The following ZBTB7C variants were observed in gnomAD, a reference collection of about 807,000 sequenced individuals.
ZBTB7C encodes zinc finger and BTB domain-containing protein 7C.
ZBTB7C carries 8 observed loss-of-function variants against 25.7 expected under a neutral mutation model. That is an observed-to-expected ratio of 0.31 (90% CI 0.18 to 0.56). ZBTB7C has a LOEUF of 0.56. Among genes scored for constraint, ZBTB7C ranks in the 20% least tolerant of loss-of-function variants. The pLI is 0.91. For missense variants in ZBTB7C, 824 were observed against 855.2 expected, an observed-to-expected ratio of 0.96 and a Z score of 0.46; for synonymous variants, 394 against 369.0, an observed-to-expected ratio of 1.07 and a Z score of -0.78.
At chr18:48,378,527 T>C (rs2047570956) in intron 1 of ZBTB7C, among the ~76,000 whole-genome samples, 1 of 152,114 alleles carries the variant, frequency 6.6e-6, no homozygotes, top group Non-Finnish European at 1.5e-5. Flanking sequence ...AACCAGATGG[T>C]TCTCCAATAA....
At chr18:48,238,562 GAAATA>G (rs1223243502) in intron 2 of ZBTB7C, among the ~76,000 whole-genome samples, 1 of 152,188 alleles carries the variant, frequency 6.6e-6, no homozygotes, top group Non-Finnish European at 1.5e-5. Context: ...ACCTAGAGCT[GAAATA>G]AATTTAGAGA....
rs368789643 is a variant in ZBTB7C, at chr18:48,207,125, G to A, written c.-78-21130C>T. Among the ~76,000 whole-genome samples the A allele has an allele frequency of 1.9e-4, 29 of 152,338 alleles. No individual in the cohort carries two copies. In the South Asian group the frequency reaches 3.9e-3, roughly 21 times the overall value. On this transcript the variant is annotated intron_variant, in intron 2 of 4. Transcript: ENST00000590800. ...CACAATATAAAAAGACCACAGGGACGTAGCACTGAAGCAACCAGAATGGCT... is the reference window on the plus strand; with the variant it reads ...CACAATATAAAAAGACCACAGGGACATAGCACTGAAGCAACCAGAATGGCT...
intron 3 of ZBTB7C, among the ~76,000 whole-genome samples, chr18:48,078,477 C>T (rs927027118): frequency 2.6e-5 from 4 of 152,192 alleles, no homozygotes; most frequent in Admixed American, 2.6e-4. Flanking sequence ...CACACTCCAC[C>T]GGCAGCATCA....
intron 3 of ZBTB7C, among the ~76,000 whole-genome samples, chr18:48,111,771 T>C (rs1254208345): frequency 1.3e-5 from 2 of 152,162 alleles, no homozygotes; most frequent in African/African-American, 4.8e-5. Context: ...AACATCTATA[T>C]ATCTTATATG....
At chr18:48,385,137 C>T (rs2047719544) in intron 1 of ZBTB7C, among the ~76,000 whole-genome samples, 1 of 152,212 alleles carries the variant, frequency 6.6e-6, no homozygotes, top group South Asian at 2.1e-4. Flanking sequence ...TACCCAAATG[C>T]ACCCACATCC....
intron 3 of ZBTB7C, among the ~76,000 whole-genome samples, chr18:48,047,033 C>T (rs576030871): frequency 6.0e-4 from 91 of 152,266 alleles, no homozygotes; most frequent in African/African-American, 2.1e-3. Flanking sequence ...CATGGTAGCT[C>T]AAGGCTGTTT....
At chr18:48,406,379 C>T (rs2048283168) in intron 1 of ZBTB7C, among the ~76,000 whole-genome samples, 1 of 152,114 alleles carries the variant, frequency 6.6e-6, no homozygotes, top group African/African-American at 2.4e-5. Flanking sequence ...CCCTGGTCAG[C>T]CCAGGAAGCC....
At chr18:48,357,153 C>T (rs1026490783) in intron 1 of ZBTB7C, among the ~76,000 whole-genome samples, 2 of 152,192 alleles carry the variant, frequency 1.3e-5, no homozygotes, top group East Asian at 1.9e-4. Flanking sequence ...TGAAACACAC[C>T]GGAAGGTCTG....
At chr18:48,226,319 C>A (rs1201724304) in intron 2 of ZBTB7C, among the ~76,000 whole-genome samples, 2 of 152,206 alleles carry the variant, frequency 1.3e-5, no homozygotes, top group Non-Finnish European at 2.9e-5. Context: ...TGCTGGCATA[C>A]AATGACAACC....
chr18:48,136,192 G>A (rs1423360162), intron 3 of ZBTB7C, among the ~76,000 whole-genome samples: 2 of 152,174 alleles, frequency 1.3e-5, no homozygotes. Context: ...GCGCTCCAGT[G>A]GGTGACGCCG....
At chr18:48,243,459 C>T (rs1053449409) in intron 2 of ZBTB7C, among the ~76,000 whole-genome samples, 5 of 151,938 alleles carry the variant, frequency 3.3e-5, no homozygotes, top group Non-Finnish European at 5.9e-5. Context: ...CAAGAATATA[C>T]CTAACCAAGG....
chr18:48,172,244 TAGTGGGAAGATG>T (rs1485904342), intron 3 of ZBTB7C, among the ~76,000 whole-genome samples: 1 of 152,144 alleles, frequency 6.6e-6, no homozygotes, highest in Non-Finnish European at 1.5e-5. Context: ...GATTTTAAGC[TAGTGGGAAGATG>T]GGTGGGAAGA....
intron 1 of ZBTB7C, among the ~76,000 whole-genome samples, chr18:48,376,478 T>C (rs1325601138): frequency 2.0e-5 from 3 of 152,222 alleles, no homozygotes; most frequent in African/African-American, 7.2e-5. Flanking sequence ...AGGGAAGGTC[T>C]CCGGTTGCCT....
rs995510980 is a variant in ZBTB7C at position 48,029,656 on chromosome 18, G to T, written c.1464C>A (p.Ala488=). ...RRGRKPAAWR[A]ASLLFGPGGP... The stretch of plus-strand genomic sequence containing the variant: ...CGCCGGGCCCGAAGAGCAGGCTGGC[G>T]GCCCTCCACGCAGCAGGCTTGCGGC... Residue 488 remains alanine, a synonymous_variant, in exon 5 of 5, where the codon GCC becomes GCA. Transcript: ENST00000590800. 1.9e-6 allele frequency: 3 copies of T among 1,552,980 alleles called. No homozygotes were observed. Among genetic ancestry groups the T allele is most frequent in the South Asian group, 1.2e-5 (1 of 86,178 alleles).
intron 2 of ZBTB7C, among the ~76,000 whole-genome samples, chr18:48,323,935 G>C (rs554437775): frequency 2.0e-5 from 3 of 152,236 alleles, no homozygotes; most frequent in Admixed American, 1.3e-4. Flanking sequence ...GGGCCTTTGG[G>C]AGGTGATAAG....
chr18:48,057,856 G>A (rs2036976836), intron 3 of ZBTB7C, among the ~76,000 whole-genome samples: 1 of 152,182 alleles, frequency 6.6e-6, no homozygotes, highest in Non-Finnish European at 1.5e-5. Flanking sequence ...ATGAAAACAG[G>A]CTCTGGCTGC....
At chr18:48,246,798 C>T (rs1303922915) in intron 2 of ZBTB7C, among the ~76,000 whole-genome samples, 1 of 152,016 alleles carries the variant, frequency 6.6e-6, no homozygotes, top group Non-Finnish European at 1.5e-5. Context: ...ACCCCCCATC[C>T]CATGCCCCCA....
At chr18:48,148,632 T>A (rs1009148126) in intron 3 of ZBTB7C, 3 of 152,044 alleles carry the variant, frequency 2.0e-5, no homozygotes, top group African/African-American at 7.2e-5. Context: ...TTTTGGGAAC[T>A]TCAGGAAGAG....
At chr18:48,257,666 CA>C (rs1232657618) in intron 2 of ZBTB7C, among the ~76,000 whole-genome samples, 1 of 151,576 alleles carries the variant, frequency 6.6e-6, no homozygotes, top group African/African-American at 2.4e-5. Flanking sequence ...GAAATTTCAG[CA>C]AATAGAATTT....
Sources: allele counts gnomAD v4.1 joint callset (sites outside exome capture counted in the v4.1 genomes callset), GRCh38; gene constraint gnomAD v4.1.1; transcripts MANE v1.5; gene names NCBI Gene and HGNC (gene_info 2026-07-23, HGNC 2026-07-21).